The following DNAAF8 variants were observed in gnomAD, a reference collection of about 807,000 sequenced individuals.
DNAAF8 encodes the protein dynein axonemal-associated protein 1.
A neutral mutation model predicts 54.6 loss-of-function variants in DNAAF8; 61 were observed. The ratio of observed to expected loss-of-function variants is 1.12; its 90% CI spans 0.91 to 1.38. The LOEUF (loss-of-function observed/expected upper bound fraction) is 1.38. DNAAF8 is among the 40% of genes most tolerant of loss of function. DNAAF8 has a pLI of 0.00. For synonymous variants in DNAAF8, 320 were observed against 270.1 expected (o/e 1.18, Z -1.81); for missense variants, 837 against 665.0 (o/e 1.26, Z -2.85).
rs555875278 is a variant in DNAAF8 at position 4,744,231 on chromosome 16, G to A, written c.902-639G>A. Among the ~76,000 whole-genome samples the A allele has an allele frequency of 2.0e-5, 3 of 152,238 alleles. 1 individual carries two copies. Among genetic ancestry groups the A allele is most frequent in the African/African-American group, 7.2e-5 (3 of 41,546 alleles). On this transcript the variant is annotated intron_variant, in intron 5 of 9. Transcript: ENST00000299320. ...CAGGCGTGAGCCACCGCGCTTGGCCGAATGTATTCTCTGTTTTAAAGGCAC... is the reference window on the plus strand; with the variant it reads ...CAGGCGTGAGCCACCGCGCTTGGCCAAATGTATTCTCTGTTTTAAAGGCAC...
chr16:4,740,417 C>G lies in DNAAF8; in HGVS notation c.541C>G (p.Pro181Ala). Residue 181 changes from proline (P) to alanine (A), a missense_variant, in exon 4 of 10, where the codon CCA (proline) becomes GCA (alanine). Pro to Ala is a conservative substitution (Grantham distance 27). Coordinates refer to ENST00000299320, the MANE Select transcript of DNAAF8 (RefSeq NM_139170.3). ...EATLSCHEGD[P>A]KAEPLSTASQ... ...CACTCTCTCCTGCCATGAAGGAGAC[C>G]CAAAGGCAGAGCCCCTCAGCACTGC... The G allele has an allele frequency of 6.2e-7, 1 of 1,614,002 alleles. No individual in the cohort carries two copies. The highest frequency in any genetic ancestry group is 8.5e-7 in the Non-Finnish European group (1 of 1,180,000).
intron 2 of DNAAF8, 100 bp from the exon 3 acceptor site, chr16:4,737,700 G>A: frequency 6.9e-7 from 1 of 1,441,318 alleles, no homozygotes; most frequent in South Asian, 1.3e-5. Context: ...TGGGCGGGCT[G>A]GGCTGGAAGT....
At chr16:4,746,679 G>C (rs772389441) in intron 7 of DNAAF8, 167 bp downstream of exon 7, 8 of 1,029,182 alleles carry the variant, frequency 7.8e-6, no homozygotes, top group Non-Finnish European at 1.1e-5. Flanking sequence ...GGTCCCTGCA[G>C]GGAGGGAAGA....
Position 4,740,046 on chromosome 16 carries a change from G to A in DNAAF8, c.277-107G>A, listed in dbSNP as rs553744194. The A allele has an allele frequency of 1.3e-5, 17 of 1,325,866 alleles. No individual in the cohort carries two copies. In the Admixed American group the frequency reaches 1.4e-4, roughly 11 times the overall value. 82.1% of individuals were successfully genotyped at this position (1,325,866 alleles called of 1,614,324 possible). ...TGCACTGCAGCCTGGGCAACAAAGC[G>A]AGACTTCACCTCAAAAAAAAAAAAA... On this transcript the variant is annotated intron_variant, in intron 3 of 9. Transcript: ENST00000299320.
chr16:4,746,706 C>A, intron 7 of DNAAF8, 194 bp downstream of exon 7: 1 of 841,998 alleles, frequency 1.2e-6, no homozygotes, highest in Non-Finnish European at 1.8e-6. Context: ...TGAGGCACAC[C>A]TCCTCGGGCT....
At position 4,746,934 on chromosome 16, in the gene DNAAF8, C is replaced by A; in HGVS notation, c.1189C>A (p.His397Asn). 1 of 1,559,716 alleles carries A rather than the reference C, an allele frequency of 6.4e-7. No individual in the cohort carries two copies. Among genetic ancestry groups the A allele is most frequent in the South Asian group, 1.2e-5 (1 of 84,016 alleles). ...CCATTTCTCTCCCTGCAGCTCCAGC[C>A]ACAGCTCCTCTGACAGTGAGGAGGA... is the stretch of plus-strand genomic sequence containing the variant. ...PDHLSPESSSHSSSDSEEEEE... is the reference protein window; with the variant it reads ...PDHLSPESSSNSSSDSEEEEE... The change falls in exon 8 of 10, where the codon CAC (histidine) becomes AAC (asparagine). Residue 397 changes from histidine (H) to asparagine (N), a missense_variant. Transcript: ENST00000299320.
Position 4,736,462 on chromosome 16 carries a change from A to G in DNAAF8, c.-51-2A>G. The G allele has an allele frequency of 6.9e-7, 1 of 1,446,860 alleles. No individual in the cohort carries two copies. The highest frequency in any genetic ancestry group is 9.2e-7 in the Non-Finnish European group (1 of 1,087,520). The allele number at this position is 1,446,860 out of a possible 1,614,324, so 89.6% of individuals were successfully genotyped here. A position where few individuals can be genotyped will look rare whatever the true frequency, so the allele number is the denominator to read the frequency against. On this transcript the variant is annotated splice_acceptor_variant, in intron 1 of 9. Coordinates refer to ENST00000299320, the MANE Select transcript of DNAAF8 (RefSeq NM_139170.3). LOFTEE classifies it low-confidence loss of function (5UTR_SPLICE). ...TCTTCCATCACCCTGTGTACCCCACAGAGCTCCCCGGATTATGGTGCACTG... is the reference window on the plus strand; with the variant it reads ...TCTTCCATCACCCTGTGTACCCCACGGAGCTCCCCGGATTATGGTGCACTG...
intron 7 of DNAAF8, 119 bp from the exon 8 acceptor site, chr16:4,746,808 G>C (rs1596488223): frequency 1.0e-6 from 1 of 966,964 alleles, no homozygotes; most frequent in Non-Finnish European, 1.5e-6. Context: ...CCGGCCTCCA[G>C]TGTGGCTGCT....
At chr16:4,747,698 C>T in intron 9 of DNAAF8, 64 bp downstream of exon 9, 1 of 1,480,896 alleles carries the variant, frequency 6.8e-7, no homozygotes, top group Non-Finnish European at 9.0e-7. Context: ...GCCCCGGTGT[C>T]CCCTTGTTGT....
intron 1 of DNAAF8, chr16:4,734,976 C>A (rs182121146): frequency 6.6e-6 from 1 of 152,160 alleles, no homozygotes; most frequent in Non-Finnish European, 1.5e-5. Flanking sequence ...GCCGGAAGGC[C>A]GTTATTCAGA....
chr16:4,745,678 C>T (rs1008337596), intron 6 of DNAAF8, among the ~76,000 whole-genome samples: 30 of 152,148 alleles, frequency 2.0e-4, no homozygotes, highest in African/African-American at 6.8e-4. Context: ...TGGCTGGGCG[C>T]GGTGGCTCAT....
intron 7 of DNAAF8, 27 bp downstream of exon 7, chr16:4,746,539 C>G: frequency 6.2e-7 from 1 of 1,602,350 alleles, no homozygotes; most frequent in South Asian, 1.1e-5. Flanking sequence ...CTACCCCATA[C>G]CAGCCTCTAC....
chr16:4,745,156 G>A (rs1440584555), intron 6 of DNAAF8, 145 bp downstream of exon 6: 2 of 1,115,646 alleles, frequency 1.8e-6, no homozygotes. Context: ...AGTCGCTCCA[G>A]TCATCCCCAT....
At chr16:4,747,075 T>C (rs893016094) in intron 8 of DNAAF8, 50 bp downstream of exon 8, 4 of 1,471,862 alleles carry the variant, frequency 2.7e-6, no homozygotes, top group Non-Finnish European at 2.7e-6. Flanking sequence ...ACCTCTGCTT[T>C]CTGCAGCAAG....
intron 1 of DNAAF8, among the ~76,000 whole-genome samples, chr16:4,735,489 C>T (rs767058524): frequency 6.6e-6 from 1 of 152,122 alleles, no homozygotes; most frequent in East Asian, 1.9e-4. Context: ...ACAGCGGCCT[C>T]TCGAGCTGCA....
chr16:4,741,823 AAG>A (rs1281497693), intron 4 of DNAAF8, among the ~76,000 whole-genome samples: 3 of 152,146 alleles, frequency 2.0e-5, no homozygotes, highest in Admixed American at 6.5e-5. Flanking sequence ...ACTGGGGAAA[AAG>A]AGAGGAATGC....
chr16:4,745,748 C>A (rs968704935), intron 6 of DNAAF8, among the ~76,000 whole-genome samples: 19 of 152,152 alleles, frequency 1.2e-4, no homozygotes, highest in East Asian at 1.9e-4. Flanking sequence ...GTCAGGAGTT[C>A]GAGACCAGCC....
chr16:4,743,119 C>T lies in DNAAF8; in HGVS notation c.860C>T (p.Pro287Leu). ...GQEDNQGNRA[P>L]GTVWWAADHR... is the part of the protein sequence containing the mutation. ...GAAGACAACCAGGGAAATCGTGCAC[C>T]TGGAACTGTGTGGTGGGCAGCTGAC... Residue 287 changes from proline (P) to leucine (L), a missense_variant, in exon 5 of 10, where the codon CCT (proline) becomes CTT (leucine). By Grantham distance (98) the Pro-to-Leu change is moderately conservative (BLOSUM62 -3). Coordinates refer to ENST00000299320, the MANE Select transcript of DNAAF8 (RefSeq NM_139170.3). The T allele has an allele frequency of 6.2e-7, 1 of 1,612,168 alleles. No individual in the cohort carries two copies. Among genetic ancestry groups the T allele is most frequent in the Non-Finnish European group, 8.5e-7 (1 of 1,179,160 alleles).
chr16:4,735,534 C>G (rs1358848755), intron 1 of DNAAF8, among the ~76,000 whole-genome samples: 1 of 152,018 alleles, frequency 6.6e-6, no homozygotes, highest in Non-Finnish European at 1.5e-5. Flanking sequence ...AGGACCCTCA[C>G]CCCCCAGCTC....
Sources: gnomAD v4.1 joint callset for allele counts (sites outside exome capture counted in the v4.1 genomes callset) on GRCh38, gnomAD v4.1.1 for gene constraint, MANE v1.5 for transcripts, NCBI Gene and HGNC (gene_info 2026-07-23, HGNC 2026-07-21) for gene names.